The following ZMYM2 variants were observed in gnomAD, a reference collection of about 807,000 sequenced individuals.
ZMYM2 encodes zinc finger MYM-type containing 2.
A neutral mutation model predicts 162.8 loss-of-function variants in ZMYM2; 56 were observed. The observed-to-expected ratio is 0.34, with a 90% CI of 0.28 to 0.43. The LOEUF is 0.43. Among genes scored for constraint, ZMYM2 ranks in the 20% least tolerant of loss-of-function variants. The pLI is 1.00. For synonymous variants in ZMYM2, 510 were observed against 541.6 expected (o/e 0.94, Z 0.81); for missense variants, 1,275 against 1,621.8 (o/e 0.79, Z 3.67).
intron 2 of ZMYM2, among the ~76,000 whole-genome samples, chr13:19,961,065 A>G (rs1037490210): frequency 1.3e-5 from 2 of 151,940 alleles, no homozygotes; most frequent in African/African-American, 4.8e-5. Flanking sequence ...CCACAGGGTA[A>G]TACCTATGGC....
At chr13:19,952,424 A>C in the ZMYM2 span, among the ~76,000 whole-genome samples, 1 of 152,328 alleles carries the variant, frequency 6.6e-6, no homozygotes, top group East Asian at 1.9e-4. Context: ...AATAATAAGT[A>C]TGTGAGGTTG....
At chr13:20,072,784 A>G (rs9509026) in intron 21 of ZMYM2, among the ~76,000 whole-genome samples, 4,162 of 152,078 alleles carry the variant, frequency 0.027, 121 homozygotes, top group East Asian at 0.13. Context: ...ACTTTTAGCA[A>G]TTTTGTCTTT....
chr13:19,885,064 A>T, the ZMYM2 span, among the ~76,000 whole-genome samples: 1,836 of 152,254 alleles, frequency 0.012, 39 homozygotes, highest in African/African-American at 0.04. Flanking sequence ...ATTGGTGCAT[A>T]TACAATCCTC....
In ZMYM2 at chr13:20,044,325, T is replaced by C. The variant is rs1593081367; in HGVS notation, c.2293-7108T>C. On this transcript the variant is annotated intron_variant, in intron 12 of 24. Coordinates refer to ENST00000610343, the MANE Select transcript of ZMYM2 (RefSeq NM_197968.4). ...TCCAGAGGCCTGTGCCCAGAGCAGG[T>C]TGCTCTCTGCCAGTTCACCTAACTT... Among the ~76,000 whole-genome samples the C allele has an allele frequency of 2.0e-5, 3 of 152,312 alleles. No individual in the cohort carries two copies. The East Asian group carries it at 5.8e-4, about 29-fold the overall frequency.
chr13:19,940,667 A>C, the ZMYM2 span, among the ~76,000 whole-genome samples: 1 of 152,210 alleles, frequency 6.6e-6, no homozygotes, highest in Admixed American at 6.5e-5. Context: ...CTGTATTTCA[A>C]ATGGCGTTCA....
intron 1 of ZMYM2, among the ~76,000 whole-genome samples, chr13:19,959,206 G>T (rs1291697447): frequency 6.7e-6 from 1 of 148,740 alleles, no homozygotes; most frequent in South Asian, 2.1e-4. Context: ...GCGGGGCGGG[G>T]GTGCCGGCCG....
chr13:19,926,718 A>C, the ZMYM2 span, among the ~76,000 whole-genome samples: 1 of 152,028 alleles, frequency 6.6e-6, no homozygotes, highest in Admixed American at 6.6e-5. Flanking sequence ...CACAGGCTGG[A>C]GTTCAGTGGC....
the ZMYM2 span, among the ~76,000 whole-genome samples, chr13:19,946,137 T>C: frequency 7.5e-3 from 1,135 of 152,292 alleles, 15 homozygotes; most frequent in African/African-American, 0.026. Flanking sequence ...CTCAGACAAC[T>C]CAACAGCTTC....
intron 4 of ZMYM2, 75 bp from the exon 5 acceptor site, chr13:20,004,999 G>GA: frequency 1.6e-6 from 2 of 1,267,728 alleles, no homozygotes; most frequent in Non-Finnish European, 2.2e-6. Flanking sequence ...CTATAGAAAT[G>GA]AAAAATGTCA....
At chr13:19,973,382 A>G (rs1051372001) in intron 2 of ZMYM2, among the ~76,000 whole-genome samples, 6 of 152,032 alleles carry the variant, frequency 3.9e-5, no homozygotes, top group Non-Finnish European at 8.8e-5. Flanking sequence ...AAACAGTACC[A>G]TAGAGGGGCC....
In ZMYM2 at chr13:20,064,443, G is replaced by C; in HGVS notation, c.3038-8G>C. On this transcript the variant is annotated splice_region_variant and splice_polypyrimidine_tract_variant and intron_variant, in intron 18 of 24. Transcript: ENST00000610343. The stretch of plus-strand genomic sequence containing the variant: ...CATTTAAAATAAAAGTTCTGATTTG[G>C]TTGTCAGCTGCTGAGGAGCTTGATA... 6.3e-7 allele frequency: 1 copy of C among 1,582,490 alleles called. No individual in the cohort carries two copies. Among genetic ancestry groups the C allele is most frequent in the South Asian group, 1.2e-5 (1 of 86,034 alleles).
At chr13:19,984,107 A>G (rs1213546641) in intron 2 of ZMYM2, among the ~76,000 whole-genome samples, 1 of 152,220 alleles carries the variant, frequency 6.6e-6, no homozygotes, top group Non-Finnish European at 1.5e-5. Flanking sequence ...GGAGAAGATG[A>G]TGAATACTTT....
At chr13:19,870,061 A>G in the ZMYM2 span, among the ~76,000 whole-genome samples, 1 of 152,192 alleles carries the variant, frequency 6.6e-6, no homozygotes, top group African/African-American at 2.4e-5. Context: ...AAGGCCTGAC[A>G]GGGGCTGATG....
At chr13:19,939,437 T>C in the ZMYM2 span, among the ~76,000 whole-genome samples, 1 of 152,160 alleles carries the variant, frequency 6.6e-6, no homozygotes, top group East Asian at 1.9e-4. Context: ...TGTTGAATAA[T>C]AGGCCATAGT....
chr13:20,061,371 A>ACGGCAACCACC, intron 17 of ZMYM2, 147 bp downstream of exon 17: 1 of 695,010 alleles, frequency 1.4e-6, no homozygotes, highest in South Asian at 3.0e-5. Flanking sequence ...TTTTATATTA[A>ACGGCAACCACC]GAGATCTACA....
intron 21 of ZMYM2, among the ~76,000 whole-genome samples, chr13:20,071,604 A>G (rs1201555790): frequency 6.6e-6 from 1 of 152,226 alleles, no homozygotes; most frequent in Non-Finnish European, 1.5e-5. Flanking sequence ...GCCCGTGGCC[A>G]GTCCAGGGCA....
intron 2 of ZMYM2, among the ~76,000 whole-genome samples, chr13:19,967,855 C>G (rs1191486094): frequency 2.0e-5 from 3 of 152,206 alleles, no homozygotes; most frequent in Non-Finnish European, 4.4e-5. Context: ...AATGAATTTG[C>G]TGCCACCACC....
the ZMYM2 span, among the ~76,000 whole-genome samples, chr13:19,917,086 C>T: frequency 4.6e-5 from 7 of 152,160 alleles, no homozygotes; most frequent in East Asian, 1.2e-3. Context: ...CTTCAGTCTC[C>T]GGAGTAGCTG....
At position 19,993,393 on chromosome 13, in the gene ZMYM2, A is replaced by G. The variant is rs760817972; in HGVS notation, c.321A>G (p.Ala107=). The stretch of plus-strand genomic sequence containing the variant: ...TTACTCCTTCCTCAAAAGAGTTGGC[A>G]TCTCAGAAGGGAAGTGTAAGTGAGA... The part of the protein sequence containing the change: ...SKITPSSKEL[A]SQKGSVSETI... The change falls in exon 3 of 25, where the codon GCA becomes GCG. Residue 107 remains alanine, a synonymous_variant. Transcript: ENST00000610343. The G allele has an allele frequency of 3.1e-6, 5 of 1,613,790 alleles. No individual in the cohort carries two copies. In the South Asian group the frequency reaches 5.5e-5, roughly 18 times the overall value.
Sources: allele counts gnomAD v4.1 joint callset (sites outside exome capture counted in the v4.1 genomes callset), GRCh38; gene constraint gnomAD v4.1.1; transcripts MANE v1.5; gene names NCBI Gene and HGNC (gene_info 2026-07-23, HGNC 2026-07-21).